PALD1: variants seen among roughly 807,000 people sequenced by gnomAD.
The protein encoded by PALD1 is phosphatase domain containing paladin 1.
In PALD1, 57 loss-of-function variants were observed where a neutral mutation model predicts 96.0. That is an observed-to-expected ratio of 0.59 (90% CI 0.48 to 0.74). PALD1 has a LOEUF of 0.74. PALD1 is among the 30% of genes least tolerant of loss of function. The pLI, the probability that PALD1 is intolerant of heterozygous loss-of-function variation, is 0.00. For synonymous variants in PALD1, 464 were observed against 473.6 expected, an observed-to-expected ratio of 0.98 and a Z score of 0.26; for missense variants, 1,063 against 1,143.7, an observed-to-expected ratio of 0.93 and a Z score of 1.02.
At position 70,532,626 on chromosome 10, in the gene PALD1, C is replaced by T. The variant is rs769539071; in HGVS notation, c.639C>T (p.His213=). Residue 213 remains histidine, a synonymous_variant, in exon 6 of 20, where the codon CAC becomes CAT. Coordinates refer to ENST00000263563, the MANE Select transcript of PALD1 (RefSeq NM_014431.3). ...ACCCCCACACCTCCCTCTAGATCCA[C>T]GACTTTGCCCAGCTGAGCGAGAACA... ...SLELAIRKEI[H]DFAQLSENTY... 39 of 1,613,796 alleles carry T rather than the reference C, an allele frequency of 2.4e-5. No individual in the cohort carries two copies. The highest frequency in any genetic ancestry group is 3.1e-5 in the Non-Finnish European group (36 of 1,179,882).
chr10:70,541,043 G>A (rs926601985), intron 15 of PALD1, 59 bp from the exon 16 acceptor site: 4 of 1,523,186 alleles, frequency 2.6e-6, no homozygotes, highest in Non-Finnish European at 3.5e-6. Context: ...TGGGGACCCT[G>A]TTGGGGTTTG....
At chr10:70,520,816 C>T (rs1167820032) in intron 1 of PALD1, among the ~76,000 whole-genome samples, 1 of 151,256 alleles carries the variant, frequency 6.6e-6, no homozygotes, top group African/African-American at 2.4e-5. Context: ...CTCAGCCTCC[C>T]AAGTAGCTGG....
At chr10:70,484,363 G>A (rs1394665244) in intron 1 of PALD1, among the ~76,000 whole-genome samples, 1 of 152,094 alleles carries the variant, frequency 6.6e-6, no homozygotes, top group Admixed American at 6.6e-5. Flanking sequence ...GTTAAATCAC[G>A]TCTAATATTT....
At chr10:70,554,925 CCCCTCCTCCCCCTCCCCTCCCCCT>C (rs1847565326) in intron 18 of PALD1, among the ~76,000 whole-genome samples, 1 of 20,892 alleles carries the variant, frequency 4.8e-5, no homozygotes, top group Non-Finnish European at 9.9e-5. Flanking sequence ...TCCTCCCCTC[CCCCTCCTCCCCCTCCCCTCCCCCT>C]CCTCCCCCCT....
intron 1 of PALD1, among the ~76,000 whole-genome samples, chr10:70,525,497 A>G (rs564210819): frequency 1.3e-5 from 2 of 150,876 alleles, no homozygotes; most frequent in East Asian, 3.9e-4. Flanking sequence ...CCTTCTTTGC[A>G]TCTGTCTGCC....
chr10:70,526,029 G>A lies in PALD1; in HGVS notation c.78G>A (p.Thr26=), dbSNP rs756182777. ...TPFEGLQGSG[T]MDSRHSVSIH... is the part of the protein sequence containing the mutation. ...TTGAGGGCCTACAGGGCAGTGGCAC[G>A]ATGGACAGTCGGCACTCCGTCAGCA... is the stretch of plus-strand genomic sequence containing the variant. Residue 26 remains threonine (T), a synonymous_variant, in exon 2 of 20, where the codon ACG becomes ACA. Coordinates refer to ENST00000263563, the MANE Select transcript of PALD1 (RefSeq NM_014431.3). 2 of 1,614,052 alleles carry A rather than the reference G, an allele frequency of 1.2e-6. No individual in the cohort carries two copies. The highest frequency in any genetic ancestry group is 1.3e-5 in the African/African-American group (1 of 74,922).
At chr10:70,481,757 C>A (rs568570686) in intron 1 of PALD1, among the ~76,000 whole-genome samples, 4 of 152,346 alleles carry the variant, frequency 2.6e-5, no homozygotes, top group African/African-American at 9.6e-5. Context: ...CCCTCTGGGG[C>A]GGGCTCCTTC....
intron 1 of PALD1, among the ~76,000 whole-genome samples, chr10:70,488,972 T>C (rs1203326655): frequency 1.3e-5 from 2 of 151,492 alleles, no homozygotes; most frequent in African/African-American, 2.4e-5. Flanking sequence ...TGTGTCCTTC[T>C]GCCGCTTCAC....
chr10:70,501,936 T>C (rs1846306929), intron 1 of PALD1, among the ~76,000 whole-genome samples: 1 of 152,042 alleles, frequency 6.6e-6, no homozygotes, highest in South Asian at 2.1e-4. Context: ...TCTTTTTTTT[T>C]TTAAACTAGA....
intron 18 of PALD1, among the ~76,000 whole-genome samples, chr10:70,548,419 C>G (rs1049580315): frequency 7.2e-5 from 11 of 152,238 alleles, no homozygotes; most frequent in Admixed American, 5.2e-4. Context: ...CTCTGTTGCA[C>G]TCGGCCCTAC....
intron 1 of PALD1, among the ~76,000 whole-genome samples, chr10:70,508,776 C>T (rs1366794468): frequency 1.0e-5 from 1 of 96,236 alleles, no homozygotes; most frequent in African/African-American, 4.0e-5. Context: ...GGTTTCGACT[C>T]TGTATGGCGT....
At chr10:70,529,851 G>T in intron 3 of PALD1, 38 bp from the exon 4 acceptor site, 1 of 1,596,310 alleles carries the variant, frequency 6.3e-7, no homozygotes, top group East Asian at 2.2e-5. Flanking sequence ...ATACCCCTGA[G>T]CCATCTGAGT....
At chr10:70,555,013 C>T (rs1232936367) in intron 18 of PALD1, among the ~76,000 whole-genome samples, 2 of 75,194 alleles carry the variant, frequency 2.7e-5, no homozygotes, top group Non-Finnish European at 5.0e-5. Flanking sequence ...GCTCCGTAGC[C>T]CAGGCTGGAG....
At chr10:70,534,674 T>C in intron 9 of PALD1, 65 bp from the exon 10 acceptor site, 2 of 1,274,172 alleles carry the variant, frequency 1.6e-6, no homozygotes, top group Non-Finnish European at 2.3e-6. Flanking sequence ...TCTCCTGCCG[T>C]TCTGCCTTGA....
intron 18 of PALD1, among the ~76,000 whole-genome samples, chr10:70,551,868 C>T (rs980165183): frequency 6.6e-6 from 1 of 151,942 alleles, no homozygotes; most frequent in South Asian, 2.1e-4. Flanking sequence ...ACAGTAAGTA[C>T]CAAAAGCTTA....
chr10:70,474,153 C>T (rs1323226031), upstream of PALD1, among the ~76,000 whole-genome samples: 2 of 152,296 alleles, frequency 1.3e-5, no homozygotes, highest in Admixed American at 6.5e-5. Context: ...GGAGCAAGAT[C>T]TGGTCCCTGC....
At chr10:70,556,302 C>CTCTCTCTG (rs1213631246) in intron 18 of PALD1, among the ~76,000 whole-genome samples, 100 of 137,390 alleles carry the variant, frequency 7.3e-4, no homozygotes, top group Middle Eastern at 3.8e-3. Context: ...CTCTCTCTCT[C>CTCTCTCTG]TCTCTGTCTC....
chr10:70,491,220 C>T (rs1846092703), intron 1 of PALD1, among the ~76,000 whole-genome samples: 1 of 152,204 alleles, frequency 6.6e-6, no homozygotes, highest in Non-Finnish European at 1.5e-5. Context: ...GCTGGGATTA[C>T]AGGCGTGAGC....
At chr10:70,508,117 C>T (rs1224702126) in intron 1 of PALD1, among the ~76,000 whole-genome samples, 1 of 152,158 alleles carries the variant, frequency 6.6e-6, no homozygotes, top group Non-Finnish European at 1.5e-5. Flanking sequence ...CTTCGCTGCT[C>T]CACGGAAGAA....
Sources: allele counts gnomAD v4.1 joint callset (sites outside exome capture counted in the v4.1 genomes callset), GRCh38; gene constraint gnomAD v4.1.1; transcripts MANE v1.5; gene names NCBI Gene and HGNC (gene_info 2026-07-23, HGNC 2026-07-21).